HSPA14: variants seen among roughly 807,000 people sequenced by gnomAD.
HSPA14 encodes heat shock 70 kDa protein 14.
HSPA14 carries 37 observed loss-of-function variants against 65.5 expected under a neutral mutation model. That is an observed-to-expected ratio of 0.56 (90% CI 0.43 to 0.74). The LOEUF (loss-of-function observed/expected upper bound fraction) is 0.74. Ranked by LOEUF, HSPA14 falls within the 30% of genes least tolerant of loss-of-function variation. The pLI, the probability that HSPA14 is intolerant of heterozygous loss-of-function variation, is 0.00. For synonymous variants in HSPA14, 203 were observed against 214.2 expected, an observed-to-expected ratio of 0.95 and a Z score of 0.46; for missense variants, 564 against 607.6, an observed-to-expected ratio of 0.93 and a Z score of 0.75.
intron 3 of HSPA14, chr10:14,843,694 A>G: frequency 1.3e-6 from 2 of 1,541,600 alleles, no homozygotes; most frequent in Non-Finnish European, 1.7e-6. Context: ...AGAACTCTCA[A>G]AGCGGGAGGA....
At position 14,844,165 on chromosome 10, in the gene HSPA14, A is replaced by G; in HGVS notation, c.221+4008A>G. 4.7e-6 allele frequency: 6 copies of G among 1,278,568 alleles called. No individual in the cohort carries two copies. The South Asian group carries it at 9.6e-5, about 21-fold the overall frequency. The allele number at this position is 1,278,568 out of a possible 1,614,324, so 79.2% of individuals were successfully genotyped here. A position where few individuals can be genotyped will look rare whatever the true frequency, so the allele number is the denominator to read the frequency against. On this transcript the variant is annotated intron_variant, in intron 3 of 13. Coordinates refer to ENST00000378372, the MANE Select transcript of HSPA14 (RefSeq NM_016299.4). Reference sequence around the variant, plus strand: ...CATCCTAGCTTTGTCACAGATGTGAAGCAGTTTACCTCCCTCCAGTGGTTT... The same window carrying G: ...CATCCTAGCTTTGTCACAGATGTGAGGCAGTTTACCTCCCTCCAGTGGTTT...
At position 14,842,085 on chromosome 10, in the gene HSPA14, A is replaced by G; in HGVS notation, c.221+1928A>G. On this transcript the variant is annotated intron_variant, in intron 3 of 13. Transcript: ENST00000378372. This position sits in a 1 kb window ranked among gnomAD's most constrained non-coding sequence, Gnocchi z 5.2. ...TAGCACCACTTAACTTGCTGCCAAAATTATCCTTACACCCTTCCTGTAACT... is the reference window on the plus strand; with the variant it reads ...TAGCACCACTTAACTTGCTGCCAAAGTTATCCTTACACCCTTCCTGTAACT... 1.4e-6 allele frequency: 2 copies of G among 1,422,812 alleles called. No individual in the cohort carries two copies. The highest frequency in any genetic ancestry group is 1.9e-6 in the Non-Finnish European group (2 of 1,047,352). 88.1% of individuals were successfully genotyped at this position (1,422,812 alleles called of 1,614,324 possible).
chr10:14,868,291 C>T (rs1049171554), intron 12 of HSPA14, among the ~76,000 whole-genome samples: 1 of 152,088 alleles, frequency 6.6e-6, no homozygotes, highest in African/African-American at 2.4e-5. Context: ...TTTTCTTGGT[C>T]AAGCTAGGGT....
intron 8 of HSPA14, among the ~76,000 whole-genome samples, chr10:14,853,465 C>T (rs1234116263): frequency 6.6e-6 from 1 of 152,150 alleles, no homozygotes; most frequent in Non-Finnish European, 1.5e-5. Context: ...CTCCTTATCT[C>T]CTTTAACCTC....
chr10:14,844,120 C>A, intron 3 of HSPA14: 2 of 1,360,962 alleles, frequency 1.5e-6, no homozygotes, highest in Non-Finnish European at 1.9e-6. Context: ...ACGATGGAGC[C>A]ACGTTCTAGA....
chr10:14,853,879 C>T (rs757488148), intron 8 of HSPA14, among the ~76,000 whole-genome samples: 26 of 152,026 alleles, frequency 1.7e-4, no homozygotes, highest in Non-Finnish European at 3.1e-4. Flanking sequence ...ACCACCACAC[C>T]CAGCTAATTT....
chr10:14,849,598 G>A, intron 5 of HSPA14, 123 bp from the exon 6 acceptor site: 1 of 778,974 alleles, frequency 1.3e-6, no homozygotes, highest in Non-Finnish European at 2.2e-6. Flanking sequence ...CGGGGGCGGG[G>A]TGGGCAAGCA....
At chr10:14,855,734 T>G in intron 9 of HSPA14, 107 bp from the exon 10 acceptor site, 1 of 610,282 alleles carries the variant, frequency 1.6e-6, no homozygotes, top group East Asian at 2.8e-5. Context: ...GGCATTACTC[T>G]TCACAAGAAA....
At chr10:14,860,432 T>G (rs1221208138) in intron 10 of HSPA14, among the ~76,000 whole-genome samples, 1 of 152,138 alleles carries the variant, frequency 6.6e-6, no homozygotes, top group Admixed American at 6.5e-5. Flanking sequence ...ATAAATCTTA[T>G]GAAGAAAATT....
chr10:14,839,571 CAAAA>C (rs755617483), intron 1 of HSPA14, among the ~76,000 whole-genome samples: 1 of 79,722 alleles, frequency 1.3e-5, no homozygotes. Flanking sequence ...ACTCCGTGTC[CAAAA>C]AAAAAAAAAA....
In HSPA14 at chr10:14,849,801, A is replaced by T. The variant is rs1288787537; in HGVS notation, c.457A>T (p.Asn153Tyr). ...VPFDFGEKQK[N>Y]ALGEAARAAG... ...GTTTGATTTTGGAGAAAAGCAAAAA[A>T]ATGCTCTTGGGTAAGTATATGGGGT... The change falls in exon 6 of 14, where the codon AAT (asparagine) becomes TAT (tyrosine). Residue 153 changes from asparagine (N) to tyrosine (Y), a missense_variant. By Grantham distance (143) the Asn-to-Tyr change is moderately radical. Transcript: ENST00000378372. 1 of 1,609,630 alleles carries T rather than the reference A, an allele frequency of 6.2e-7. No individual in the cohort carries two copies.
chr10:14,852,779 G>A (rs1834118496), intron 8 of HSPA14, among the ~76,000 whole-genome samples: 1 of 152,154 alleles, frequency 6.6e-6, no homozygotes, highest in South Asian at 2.1e-4. Flanking sequence ...GTCAGATACT[G>A]AACTGCATGA....
rs1173362414 is a variant in HSPA14, at chr10:14,842,608, A to T, written c.221+2451A>T. 1 of 1,536,180 alleles carries T rather than the reference A, an allele frequency of 6.5e-7. No individual in the cohort carries two copies. Among genetic ancestry groups the T allele is most frequent in the Admixed American group, 2.0e-5 (1 of 51,002 alleles). On this transcript the variant is annotated intron_variant, in intron 3 of 13. Coordinates refer to ENST00000378372, the MANE Select transcript of HSPA14 (RefSeq NM_016299.4). This position sits in a 1 kb window ranked among gnomAD's most constrained non-coding sequence, Gnocchi z 5.2. ...TCCGAAATCAGATAGTGACTGACCC[A>T]GACAACTTAATGGAGGATGCTGCTT...
chr10:14,864,112 G>A (rs922251891), intron 10 of HSPA14, among the ~76,000 whole-genome samples: 1 of 151,750 alleles, frequency 6.6e-6, no homozygotes, highest in Non-Finnish European at 1.5e-5. Flanking sequence ...CAGCTACTCG[G>A]GAGACTGAAG....
At chr10:14,864,656 G>A (rs879896386) in intron 10 of HSPA14, among the ~76,000 whole-genome samples, 9 of 152,284 alleles carry the variant, frequency 5.9e-5, no homozygotes, top group East Asian at 1.9e-4. Context: ...ACATGAACTC[G>A]TCATTTTTTA....
intron 1 of HSPA14, among the ~76,000 whole-genome samples, chr10:14,838,761 G>T (rs1323807056): frequency 6.6e-6 from 1 of 152,158 alleles, no homozygotes; most frequent in Non-Finnish European, 1.5e-5. Context: ...AGGGTGCCCG[G>T]GGGGGTCCCG....
Position 14,842,017 on chromosome 10 carries a change from A to G in HSPA14, c.221+1860A>G, listed in dbSNP as rs961550321. Reference sequence around the variant, plus strand: ...CTGGGTGAACTCCCAAAGTTGGGCTATCTCAGTCTTGGCCTCATGCCTGTT... The same window carrying G: ...CTGGGTGAACTCCCAAAGTTGGGCTGTCTCAGTCTTGGCCTCATGCCTGTT... On this transcript the variant is annotated intron_variant, in intron 3 of 13. Coordinates refer to ENST00000378372, the MANE Select transcript of HSPA14 (RefSeq NM_016299.4). This position sits in a 1 kb window ranked among gnomAD's most constrained non-coding sequence, Gnocchi z 5.2. 2.4e-5 allele frequency: 16 copies of G among 676,582 alleles called. No individual in the cohort carries two copies. The highest frequency in any genetic ancestry group is 3.6e-5 in the East Asian group (1 of 27,610). 41.9% of individuals were successfully genotyped at this position (676,582 alleles called of 1,614,324 possible).
At chr10:14,844,904 G>C in intron 3 of HSPA14, 1 of 985,288 alleles carries the variant, frequency 1.0e-6, no homozygotes, top group Non-Finnish European at 1.2e-6. Flanking sequence ...TGTTATACAG[G>C]GCAAGCCCTA....
intron 9 of HSPA14, among the ~76,000 whole-genome samples, chr10:14,854,905 T>C (rs1834135419): frequency 6.6e-6 from 1 of 152,222 alleles, no homozygotes; most frequent in Non-Finnish European, 1.5e-5. Flanking sequence ...AAATGTTCAG[T>C]AGTCATGTGG....
Sources: gnomAD v4.1 joint callset for allele counts (sites outside exome capture counted in the v4.1 genomes callset) on GRCh38, gnomAD v4.1.1 for gene constraint, Gnocchi (gnomAD v3.1) non-coding constraint, MANE v1.5 for transcripts, NCBI Gene and HGNC (gene_info 2026-07-23, HGNC 2026-07-21) for gene names.